KAT6B: variants seen among roughly 807,000 people sequenced by gnomAD.
KAT6B encodes lysine acetyltransferase 6B.
In KAT6B, 10 loss-of-function variants were observed where a neutral mutation model predicts 187.5. The ratio of observed to expected loss-of-function variants is 0.05; its 90% confidence interval spans 0.03 to 0.09. The LOEUF (loss-of-function observed/expected upper bound fraction) is 0.09. KAT6B is among the 10% of genes least tolerant of loss of function. KAT6B has a pLI of 1.00. For missense variants in KAT6B, 1,952 were observed against 2,558.9 expected (o/e 0.76, Z 5.12); for synonymous variants, 861 against 926.8 (o/e 0.93, Z 1.29).
intron 1 of KAT6B, among the ~76,000 whole-genome samples, chr10:74,832,183 T>A (rs965521009): frequency 6.6e-6 from 1 of 152,182 alleles, no homozygotes; most frequent in African/African-American, 2.4e-5. Flanking sequence ...TTTTTTAGAG[T>A]AGAGCTATAA....
At chr10:74,958,098 A>G (rs1418903790) in intron 3 of KAT6B, among the ~76,000 whole-genome samples, 1 of 152,254 alleles carries the variant, frequency 6.6e-6, no homozygotes, top group Non-Finnish European at 1.5e-5. Context: ...ATTTGCAGTC[A>G]TATTAAACAA....
intron 11 of KAT6B, chr10:74,984,166 T>G (rs1435478589): frequency 6.6e-6 from 1 of 152,232 alleles, no homozygotes; most frequent in Non-Finnish European, 1.5e-5. Flanking sequence ...TTGCTATGTA[T>G]GGGACCTAGG....
chr10:74,877,759 T>C (rs963787028), intron 3 of KAT6B, among the ~76,000 whole-genome samples: 1 of 152,120 alleles, frequency 6.6e-6, no homozygotes, highest in African/African-American at 2.4e-5. Flanking sequence ...TAAAGAAGCA[T>C]AGAAGTTTGA....
chr10:74,830,358 CAT>C (rs1840658632), intron 1 of KAT6B, among the ~76,000 whole-genome samples: 1 of 152,120 alleles, frequency 6.6e-6, no homozygotes, highest in African/African-American at 2.4e-5. Context: ...CTATACCTGT[CAT>C]CTGGTGCCCA....
At chr10:74,867,869 C>G (rs1348643540) in intron 3 of KAT6B, among the ~76,000 whole-genome samples, 1 of 152,164 alleles carries the variant, frequency 6.6e-6, no homozygotes, top group African/African-American at 2.4e-5. Flanking sequence ...ATATTGAAAG[C>G]CTTCTTCCCC....
chr10:74,980,604 A>G (rs932891314), intron 10 of KAT6B, among the ~76,000 whole-genome samples: 3 of 152,230 alleles, frequency 2.0e-5, no homozygotes, highest in Non-Finnish European at 2.9e-5. Context: ...AAATTTGTAC[A>G]TAAGTGCAAG....
At chr10:74,848,645 A>G (rs1301959302) in intron 3 of KAT6B, among the ~76,000 whole-genome samples, 2 of 152,080 alleles carry the variant, frequency 1.3e-5, no homozygotes, top group Non-Finnish European at 2.9e-5. Context: ...GGCCCAGGGA[A>G]GCCAAAAGAT....
intron 3 of KAT6B, among the ~76,000 whole-genome samples, chr10:74,892,710 G>A (rs1845722694): frequency 6.6e-6 from 1 of 152,090 alleles, no homozygotes. Context: ...CAGAGATTAC[G>A]GTTGAATTCA....
At chr10:74,853,230 T>G (rs1210341763) in intron 3 of KAT6B, among the ~76,000 whole-genome samples, 1 of 146,770 alleles carries the variant, frequency 6.8e-6, no homozygotes, top group East Asian at 2.2e-4. Flanking sequence ...TCCTTGATCC[T>G]CCCACCTCAG....
At chr10:74,834,423 C>G (rs1198950124) in intron 1 of KAT6B, among the ~76,000 whole-genome samples, 6 of 152,140 alleles carry the variant, frequency 3.9e-5, no homozygotes, top group African/African-American at 9.7e-5. Context: ...GTCTCAATCT[C>G]CTGACCTCGT....
chr10:74,934,086 T>A (rs562212729), intron 3 of KAT6B, among the ~76,000 whole-genome samples: 1 of 147,862 alleles, frequency 6.8e-6, no homozygotes, highest in Non-Finnish European at 1.5e-5. Context: ...CTTGGCAGGC[T>A]GAGGCAGGAG....
At chr10:74,942,514 C>A (rs1213824719) in intron 3 of KAT6B, among the ~76,000 whole-genome samples, 3 of 151,650 alleles carry the variant, frequency 2.0e-5, no homozygotes, top group African/African-American at 7.3e-5. Context: ...ACTTGTAATC[C>A]CAGCACTTTG....
intron 13 of KAT6B, among the ~76,000 whole-genome samples, chr10:74,998,284 G>A (rs1035285454): frequency 6.6e-6 from 1 of 152,004 alleles, no homozygotes; most frequent in Admixed American, 6.5e-5. Context: ...ATTCATTCTA[G>A]GGAAATCAGC....
rs151052748 is a variant in KAT6B at position 75,029,718 on chromosome 10, G to C, written c.4894G>C (p.Asp1632His). 6.2e-7 allele frequency: 1 copy of C among 1,614,162 alleles called. No homozygotes were observed. The highest frequency in any genetic ancestry group is 2.2e-5 in the East Asian group (1 of 44,878). ...LENSYAQISP[D>H]QSAISVPSLQ... is the part of the protein sequence containing the mutation. ...AAACAGCTACGCCCAAATCAGCCCAGATCAAAGTGCCATCTCAGTGCCATC... is the reference window on the plus strand; with the variant it reads ...AAACAGCTACGCCCAAATCAGCCCACATCAAAGTGCCATCTCAGTGCCATC... The change falls in exon 18 of 18, where the codon GAT becomes CAT. Residue 1632 changes from aspartate to histidine, a missense_variant. By Grantham distance (81) the Asp-to-His change is moderately conservative. Coordinates refer to ENST00000287239, the MANE Select transcript of KAT6B (RefSeq NM_012330.4). This position sits in a 1 kb window ranked among gnomAD's most constrained non-coding sequence, Gnocchi z 6.2.
intron 13 of KAT6B, among the ~76,000 whole-genome samples, chr10:75,009,551 C>T (rs1045801452): frequency 2.0e-5 from 3 of 152,070 alleles, no homozygotes; most frequent in East Asian, 1.9e-4. Flanking sequence ...GACAGAATAG[C>T]GGTTCATTCC....
chr10:74,901,432 A>G (rs566109016), intron 3 of KAT6B, among the ~76,000 whole-genome samples: 17 of 152,280 alleles, frequency 1.1e-4, no homozygotes, highest in African/African-American at 4.1e-4. Flanking sequence ...TTGAGGCAAG[A>G]TGTGTGTGTA....
rs77131912 is a variant in KAT6B, at chr10:74,849,812, G to A, written c.621+6334G>A. Among the ~76,000 whole-genome samples, 96 of 152,268 alleles carry A rather than the reference G, an allele frequency of 6.3e-4. No homozygotes were observed. In the East Asian group the frequency reaches 0.015, roughly 24 times the overall value. The stretch of plus-strand genomic sequence containing the variant: ...CCTTATTTTACAGATGAAAAAATGA[G>A]GCTGAAAGCTTAAGTGATTTGCCCA... On this transcript the variant is annotated intron_variant, in intron 3 of 17. Transcript: ENST00000287239.
In KAT6B at chr10:75,021,302, T is replaced by C. The variant is rs1217128690; in HGVS notation, c.3021+17T>C. On this transcript the variant is annotated intron_variant, in intron 15 of 17. Coordinates refer to ENST00000287239, the MANE Select transcript of KAT6B (RefSeq NM_012330.4). ...GAGAAAGAGGTAATGATTGTCTTTA[T>C]CATCCTAAGTTGTGTAACTTCAATC... is the stretch of plus-strand genomic sequence containing the variant. 43 of 1,613,164 alleles carry C rather than the reference T, an allele frequency of 2.7e-5. No individual in the cohort carries two copies. The highest frequency in any genetic ancestry group is 3.3e-5 in the Non-Finnish European group (39 of 1,179,182).
At chr10:74,875,476 T>A (rs986235499) in intron 3 of KAT6B, among the ~76,000 whole-genome samples, 1 of 146,988 alleles carries the variant, frequency 6.8e-6, no homozygotes, top group Admixed American at 6.8e-5. Context: ...CTTTTTTTCT[T>A]TTTTTTTTTT....
Sources: gnomAD v4.1 joint callset for allele counts (sites outside exome capture counted in the v4.1 genomes callset) on GRCh38, gnomAD v4.1.1 for gene constraint, Gnocchi (gnomAD v3.1) non-coding constraint, MANE v1.5 for transcripts, NCBI Gene and HGNC (gene_info 2026-07-23, HGNC 2026-07-21) for gene names.